The following ZGRF1 variants were observed in gnomAD, a reference collection of about 807,000 sequenced individuals.
ZGRF1 encodes 5'-3' DNA helicase ZGRF1.
A neutral mutation model predicts 203.5 loss-of-function variants in ZGRF1; 196 were observed. The observed-to-expected ratio is 0.96, with a 90% confidence interval of 0.86 to 1.08. The LOEUF (loss-of-function observed/expected upper bound fraction) is 1.08, where lower values mean the gene tolerates loss of function less well. Among genes scored for constraint, ZGRF1 ranks in the 50% least tolerant of loss-of-function variants. The pLI is 0.00. For missense variants in ZGRF1, 2,326 were observed against 2,416.3 expected (o/e 0.96, Z 0.78); for synonymous variants, 809 against 841.3 (o/e 0.96, Z 0.66).
intron 9 of ZGRF1, among the ~76,000 whole-genome samples, chr4:112,604,829 A>C (rs1750534803): frequency 6.6e-6 from 1 of 152,230 alleles, no homozygotes; most frequent in African/African-American, 2.4e-5. Flanking sequence ...ATACAAAGTA[A>C]AGCTTACCCA....
At chr4:112,586,636 C>T in intron 12 of ZGRF1, 53 bp from the exon 13 acceptor site, 1 of 1,283,410 alleles carries the variant, frequency 7.8e-7, no homozygotes, top group Non-Finnish European at 1.1e-6. Flanking sequence ...ATACTGTTTA[C>T]TAAAGAGTAA....
At position 112,587,831 on chromosome 4, in the gene ZGRF1, C is replaced by G. The variant is rs576667195; in HGVS notation, c.3226G>C (p.Gly1076Arg). ...GAATGAGAGTCTAAGTCAGGTGGCC[C>G]ATCAGTACGTGGCAAAGTAATAAGT... The part of the protein sequence containing the change: ...VPLITLPRTD[G>R]PPDLDSHSYM... Residue 1076 changes from glycine (G) to arginine (R), a missense_variant, in exon 12 of 28, where the codon GGG becomes CGG. By Grantham distance (125) the Gly-to-Arg change is moderately radical (BLOSUM62 -2). Coordinates refer to ENST00000505019, the MANE Select transcript of ZGRF1 (RefSeq NM_018392.5). 1 of 1,551,506 alleles carries G rather than the reference C, an allele frequency of 6.4e-7. No homozygotes were observed. The highest frequency in any genetic ancestry group is 1.2e-5 in the South Asian group (1 of 84,074).
At chr4:112,543,919 C>T (rs1335574519) in intron 24 of ZGRF1, among the ~76,000 whole-genome samples, 1 of 151,960 alleles carries the variant, frequency 6.6e-6, no homozygotes, top group Admixed American at 6.5e-5. Context: ...AACTCGTGAC[C>T]TCAAGTGATC....
chr4:112,595,883 G>A (rs568485006), intron 10 of ZGRF1, among the ~76,000 whole-genome samples: 1 of 152,214 alleles, frequency 6.6e-6, no homozygotes, highest in African/African-American at 2.4e-5. Flanking sequence ...ACAAACTGGT[G>A]CTTTTTACAG....
Position 112,560,920 on chromosome 4 carries a change from A to G in ZGRF1, c.4773T>C (p.Ser1591=). 6.2e-7 allele frequency: 1 copy of G among 1,613,080 alleles called. No individual in the cohort carries two copies. Residue 1591 remains serine (S), a synonymous_variant, in exon 19 of 28, where the codon AGT becomes AGC. Coordinates refer to ENST00000505019, the MANE Select transcript of ZGRF1 (RefSeq NM_018392.5). ...KFIPPAFTNV[S]TKFELLSLGA... ...CTAGGCTGAGTAGTTCAAATTTTGT[A>G]CTGACATTTGTGAAGGCTGGTGGGA...
chr4:112,551,420 T>C (rs991146513), intron 22 of ZGRF1, among the ~76,000 whole-genome samples: 2 of 152,232 alleles, frequency 1.3e-5, no homozygotes, highest in African/African-American at 2.4e-5. Flanking sequence ...GGGCAGTTCA[T>C]ACCAACTGAC....
intron 9 of ZGRF1, among the ~76,000 whole-genome samples, chr4:112,604,338 T>C (rs1750448493): frequency 6.6e-6 from 1 of 152,070 alleles, no homozygotes; most frequent in South Asian, 2.1e-4. Flanking sequence ...CCAGAAATAT[T>C]TAGTTGCTTC....
chr4:112,606,680 GA>G (rs1750824070), intron 8 of ZGRF1, among the ~76,000 whole-genome samples: 3 of 150,134 alleles, frequency 2.0e-5, no homozygotes, highest in Admixed American at 6.7e-5. Context: ...AATAGAAAAA[GA>G]AAAAAATGCC....
chr4:112,605,630 C>G (rs1005644609), intron 9 of ZGRF1: 3 of 193,162 alleles, frequency 1.6e-5, no homozygotes, highest in Non-Finnish European at 3.1e-5. Context: ...ACGTATACTT[C>G]TATATACTCA....
At chr4:112,597,482 C>A (rs1749222437) in intron 10 of ZGRF1, among the ~76,000 whole-genome samples, 2 of 151,778 alleles carry the variant, frequency 1.3e-5, no homozygotes, top group South Asian at 4.2e-4. Flanking sequence ...TATAATTGTG[C>A]CACTGCACTC....
At chr4:112,610,958 C>T (rs1298481795) in intron 7 of ZGRF1, 6 of 292,294 alleles carry the variant, frequency 2.1e-5, no homozygotes, top group Non-Finnish European at 4.0e-5. Context: ...ACAAAAAAAT[C>T]TGGAAACATT....
At chr4:112,546,495 T>C (rs1738800266) in intron 24 of ZGRF1, among the ~76,000 whole-genome samples, 1 of 152,216 alleles carries the variant, frequency 6.6e-6, no homozygotes, top group African/African-American at 2.4e-5. Context: ...TTTGAATGTG[T>C]CCCTCAAATT....
At position 112,603,616 on chromosome 4, in the gene ZGRF1, ATCCTAG is replaced by A. The variant is rs746235336; in HGVS notation, c.2878_2883del (p.Leu960_Gly961del). The A allele has an allele frequency of 1.9e-6, 3 of 1,613,814 alleles. No homozygotes were observed. In the African/African-American group the frequency reaches 4.0e-5, roughly 22 times the overall value. ...TCAGTGCTATCTGGAAACTGACTGCATCCTAGCTGTGAGCTGTGTCCTCTGACCATT... is the reference window on the plus strand; with the variant it reads ...TCAGTGCTATCTGGAAACTGACTGCACTGTGAGCTGTGTCCTCTGACCATT... On this transcript the variant is annotated inframe_deletion, in exon 10 of 28. Transcript: ENST00000505019.
intron 16 of ZGRF1, among the ~76,000 whole-genome samples, chr4:112,580,609 T>C (rs545463926): frequency 6.6e-6 from 1 of 152,188 alleles, no homozygotes; most frequent in Non-Finnish European, 1.5e-5. Context: ...CATCAAAAAG[T>C]GGGCAAAGGA....
intron 9 of ZGRF1, among the ~76,000 whole-genome samples, chr4:112,604,223 C>A (rs1422710716): frequency 7.2e-4 from 100 of 138,046 alleles, no homozygotes; most frequent in African/African-American, 5.2e-4. Context: ...GATTCCATCT[C>A]AAAAAAAAAA....
chr4:112,570,752 A>G (rs1438768905), intron 16 of ZGRF1, among the ~76,000 whole-genome samples: 1 of 152,208 alleles, frequency 6.6e-6, no homozygotes, highest in East Asian at 1.9e-4. Flanking sequence ...GGTTAAAAAA[A>G]ATCATAATGG....
intron 10 of ZGRF1, among the ~76,000 whole-genome samples, chr4:112,601,719 A>G (rs1009474834): frequency 2.0e-5 from 3 of 151,726 alleles, no homozygotes; most frequent in African/African-American, 7.3e-5. Context: ...CCTGGGTGAC[A>G]GAGTTAAGAC....
intron 3 of ZGRF1, among the ~76,000 whole-genome samples, chr4:112,625,156 G>A (rs1405019224): frequency 6.6e-6 from 1 of 152,174 alleles, no homozygotes; most frequent in Non-Finnish European, 1.5e-5. Context: ...ACATGGTGGT[G>A]CAAGCCTAAG....
At chr4:112,592,067 G>A (rs975508527) in intron 10 of ZGRF1, among the ~76,000 whole-genome samples, 1 of 150,518 alleles carries the variant, frequency 6.6e-6, no homozygotes, top group Non-Finnish European at 1.5e-5. Context: ...CTACATACAT[G>A]GTCTCCATTT....
Sources: allele counts gnomAD v4.1 joint callset (sites outside exome capture counted in the v4.1 genomes callset), GRCh38; gene constraint gnomAD v4.1.1; transcripts MANE v1.5; gene names NCBI Gene and HGNC (gene_info 2026-07-23, HGNC 2026-07-21).